CDKL3: variants seen among roughly 807,000 people sequenced by gnomAD.
CDKL3 encodes the protein cyclin dependent kinase like 3.
In CDKL3, 65 loss-of-function variants were observed where a neutral mutation model predicts 69.3. The observed-to-expected ratio is 0.94, with a 90% CI of 0.77 to 1.15. The LOEUF (loss-of-function observed/expected upper bound fraction) is 1.15, where lower values mean the gene tolerates loss of function less well. CDKL3 is among the 50% of genes most tolerant of loss of function. The probability of loss-of-function intolerance (pLI) is 0.00; values close to 1 mark genes in which losing one functional copy is unlikely to be tolerated. For synonymous variants in CDKL3, 202 were observed against 221.6 expected (o/e 0.91, Z 0.79); for missense variants, 652 against 689.2 (o/e 0.95, Z 0.61).
At chr5:134,352,768 A>T (rs1753643234) in intron 3 of CDKL3, among the ~76,000 whole-genome samples, 1 of 151,992 alleles carries the variant, frequency 6.6e-6, no homozygotes, top group South Asian at 2.1e-4. Flanking sequence ...ATTTTTAATC[A>T]GGTTATTTGT....
At chr5:134,327,035 T>C (rs895023078) in intron 4 of CDKL3, among the ~76,000 whole-genome samples, 4 of 151,922 alleles carry the variant, frequency 2.6e-5, no homozygotes, top group Non-Finnish European at 5.9e-5. Context: ...GACTCCACTC[T>C]AGGGCTCCCT....
At chr5:134,358,510 A>G (rs894417156) in intron 3 of CDKL3, among the ~76,000 whole-genome samples, 3 of 151,084 alleles carry the variant, frequency 2.0e-5, no homozygotes, top group African/African-American at 4.9e-5. Flanking sequence ...TTGACTCCCT[A>G]CCAGCTTTCT....
At chr5:134,350,572 ATATAGT>A in intron 3 of CDKL3, 145 bp from the exon 4 acceptor site, 1 of 614,746 alleles carries the variant, frequency 1.6e-6, no homozygotes. Flanking sequence ...CACAATGCAA[ATATAGT>A]TATATGTTTT....
chr5:134,322,225 G>A (rs140022453), intron 4 of CDKL3, among the ~76,000 whole-genome samples: 5,059 of 152,132 alleles, frequency 0.033, 126 homozygotes, highest in Non-Finnish European at 0.049. Context: ...TGTTGGCCAG[G>A]CTGGTCTCAA....
chr5:134,355,061 C>T (rs1416482077), intron 3 of CDKL3, among the ~76,000 whole-genome samples: 2 of 151,148 alleles, frequency 1.3e-5, no homozygotes, highest in South Asian at 2.1e-4. Flanking sequence ...TTGAGACAAG[C>T]CTGGGCAACA....
At chr5:134,367,316 G>C (rs1280166651), upstream of CDKL3, 5 of 984,004 alleles carry the variant, frequency 5.1e-6, no homozygotes, top group Admixed American at 1.2e-4. Context: ...TGCTGTCGCA[G>C]CTGAGCCTCC....
At chr5:134,342,083 G>A (rs1465445807) in intron 4 of CDKL3, among the ~76,000 whole-genome samples, 7 of 152,122 alleles carry the variant, frequency 4.6e-5, no homozygotes, top group South Asian at 2.1e-4. Context: ...TCCTTGGCAC[G>A]AGATGACGAA....
At position 134,350,578 on chromosome 5, in the gene CDKL3, TTA is replaced by T. The variant is rs1753000372; in HGVS notation, c.361-153_361-152del. On this transcript the variant is annotated intron_variant, in intron 3 of 12. Coordinates refer to ENST00000265334, the MANE Select transcript of CDKL3 (RefSeq NM_001113575.2). The stretch of plus-strand genomic sequence containing the variant: ...GATTAATTACACAATGCAAATATAG[TTA>T]TATGTTTTCAATTCTTGCCCCATCC... Among the ~76,000 whole-genome samples, 4 of 152,210 alleles carry T rather than the reference TTA, an allele frequency of 2.6e-5. No homozygotes were observed. In the South Asian group the frequency reaches 6.2e-4, roughly 24 times the overall value.
At chr5:134,355,785 G>A (rs1754459696) in intron 3 of CDKL3, among the ~76,000 whole-genome samples, 1 of 152,120 alleles carries the variant, frequency 6.6e-6, no homozygotes, top group African/African-American at 2.4e-5. Context: ...CCTAAGCACA[G>A]GCCTTAAGAA....
Position 134,321,915 on chromosome 5 carries a change from C to T in CDKL3, c.540-12G>A. On this transcript the variant is annotated splice_polypyrimidine_tract_variant and intron_variant, in intron 4 of 12. Transcript: ENST00000265334. ...AGATATCCACAGGTCTGAAACAGAT[C>T]AGGGAAAAAAAAATCACTTTTTCAT... is the stretch of plus-strand genomic sequence containing the variant. 2.9e-6 allele frequency: 4 copies of T among 1,400,162 alleles called. No individual in the cohort carries two copies. Among genetic ancestry groups the T allele is most frequent in the Non-Finnish European group, 3.0e-6 (3 of 1,015,284 alleles). 86.7% of individuals were successfully genotyped at this position (1,400,162 alleles called of 1,614,324 possible).
chr5:134,319,620 G>A, intron 5 of CDKL3, 123 bp from the exon 6 acceptor site: 2 of 914,066 alleles, frequency 2.2e-6, no homozygotes, highest in African/African-American at 1.8e-5. Flanking sequence ...TGTGAATTAT[G>A]TATTTTAATT....
intron 11 of CDKL3, among the ~76,000 whole-genome samples, chr5:134,302,939 T>C (rs950774402): frequency 2.0e-5 from 3 of 152,140 alleles, no homozygotes; most frequent in African/African-American, 7.2e-5. Flanking sequence ...TCAGTGTAAC[T>C]GTTAAGTGGA....
At chr5:134,365,155 T>C (rs1757108240) in intron 2 of CDKL3, among the ~76,000 whole-genome samples, 1 of 151,994 alleles carries the variant, frequency 6.6e-6, no homozygotes. Context: ...GCTAATTTTT[T>C]GTATTTTTTA....
intron 8 of CDKL3, among the ~76,000 whole-genome samples, chr5:134,288,217 A>G (rs1018570933): frequency 1.2e-4 from 18 of 152,250 alleles, no homozygotes; most frequent in African/African-American, 4.1e-4. Context: ...TTAAAACTCC[A>G]CTAACACTCA....
At chr5:134,356,015 A>G (rs972983593) in intron 3 of CDKL3, among the ~76,000 whole-genome samples, 1 of 152,192 alleles carries the variant, frequency 6.6e-6, no homozygotes, top group Admixed American at 6.5e-5. Flanking sequence ...AGTGCATTAC[A>G]TTTATAGTGC....
At chr5:134,349,002 C>T (rs1395148376) in intron 4 of CDKL3, among the ~76,000 whole-genome samples, 1 of 152,088 alleles carries the variant, frequency 6.6e-6, no homozygotes, top group Non-Finnish European at 1.5e-5. Flanking sequence ...ATCCTGACCA[C>T]CTGGGTTAGA....
chr5:134,367,439 T>C (rs548514843), upstream of CDKL3: 1,925 of 969,770 alleles, frequency 2.0e-3, 1 homozygote, highest in Non-Finnish European at 2.3e-3. Flanking sequence ...GTGTCGCTGA[T>C]CTTGGCTCAC....
At chr5:134,352,691 C>T (rs1216902004) in intron 3 of CDKL3, among the ~76,000 whole-genome samples, 4 of 152,110 alleles carry the variant, frequency 2.6e-5, no homozygotes, top group Non-Finnish European at 4.4e-5. Context: ...TCAAGCTATC[C>T]TCCCACCTTG....
At chr5:134,303,551 T>G (rs963425747) in intron 11 of CDKL3, among the ~76,000 whole-genome samples, 9 of 151,408 alleles carry the variant, frequency 5.9e-5, no homozygotes, top group Admixed American at 2.7e-4. Context: ...AATAAAAAAT[T>G]TATCCTTTGC....
Sources: allele counts gnomAD v4.1 joint callset (sites outside exome capture counted in the v4.1 genomes callset), GRCh38; gene constraint gnomAD v4.1.1; transcripts MANE v1.5; gene names NCBI Gene and HGNC (gene_info 2026-07-23, HGNC 2026-07-21).